TM9SF2: variants seen among roughly 807,000 people sequenced by gnomAD.
TM9SF2 encodes the protein 76 kDa membrane protein.
TM9SF2 carries 13 observed loss-of-function variants against 84.9 expected under a neutral mutation model. That is an observed-to-expected ratio of 0.15 (90% CI 0.10 to 0.24). The LOEUF (loss-of-function observed/expected upper bound fraction) is 0.24, where lower values mean the gene tolerates loss of function less well. TM9SF2 is among the 10% of genes least tolerant of loss of function. The pLI is 1.00. For missense variants in TM9SF2, 562 were observed against 818.5 expected (o/e 0.69, Z 3.82); for synonymous variants, 273 against 285.8 (o/e 0.96, Z 0.45).
intron 2 of TM9SF2, among the ~76,000 whole-genome samples, chr13:99,518,470 T>C (rs2046144420): frequency 6.6e-6 from 1 of 152,252 alleles, no homozygotes; most frequent in Non-Finnish European, 1.5e-5. Context: ...TGGGCATCTT[T>C]CCATGTCAAT....
chr13:99,536,886 C>T (rs1484256965), intron 5 of TM9SF2, 149 bp downstream of exon 5: 2 of 812,046 alleles, frequency 2.5e-6, no homozygotes, highest in Non-Finnish European at 3.7e-6. Context: ...AAACTTACAG[C>T]AGATTAATAA....
At chr13:99,531,157 G>A (rs994446649) in intron 4 of TM9SF2, among the ~76,000 whole-genome samples, 6 of 151,884 alleles carry the variant, frequency 4.0e-5, no homozygotes, top group African/African-American at 9.7e-5. Context: ...CACTGCGCCC[G>A]GTCAAACATA....
At chr13:99,508,903 AGATTT>A (rs2046101348) in intron 1 of TM9SF2, among the ~76,000 whole-genome samples, 2 of 152,144 alleles carry the variant, frequency 1.3e-5, no homozygotes, top group Non-Finnish European at 2.9e-5. Flanking sequence ...GCTTGACATA[AGATTT>A]GAGTGGGGAA....
intron 1 of TM9SF2, among the ~76,000 whole-genome samples, chr13:99,515,621 A>T (rs1036426308): frequency 7.2e-5 from 11 of 152,150 alleles, no homozygotes; most frequent in Non-Finnish European, 1.5e-4. Context: ...AATATTACTA[A>T]ATTTATTTGG....
At position 99,504,246 on chromosome 13, in the gene TM9SF2, TC is replaced by T. The variant is rs1484348379; in HGVS notation, c.171+2470del. Among the ~76,000 whole-genome samples, 22 of 152,366 alleles carry T rather than the reference TC, an allele frequency of 1.4e-4. No homozygotes were observed. In the East Asian group the frequency reaches 4.2e-3, roughly 29 times the overall value. On this transcript the variant is annotated intron_variant, in intron 1 of 16. Coordinates refer to ENST00000376387, the MANE Select transcript of TM9SF2 (RefSeq NM_004800.3). Reference sequence around the variant, plus strand: ...ATTATTCAGAAAAGTGGAAGGAACTTCTTTTAAAAATTAGAAATGAGAGTTG... The same window carrying T: ...ATTATTCAGAAAAGTGGAAGGAACTTTTTTAAAAATTAGAAATGAGAGTTG...
chr13:99,549,779 C>T (rs954998161), intron 12 of TM9SF2, among the ~76,000 whole-genome samples: 1 of 152,186 alleles, frequency 6.6e-6, no homozygotes. Context: ...CCCAAACCTG[C>T]ACATTTCTGG....
chr13:99,526,065 G>A (rs2046182126), intron 3 of TM9SF2, among the ~76,000 whole-genome samples: 1 of 152,198 alleles, frequency 6.6e-6, no homozygotes, highest in African/African-American at 2.4e-5. Context: ...GAGACATGGG[G>A]CATGATGCTG....
intron 1 of TM9SF2, among the ~76,000 whole-genome samples, chr13:99,504,822 T>G (rs1219397820): frequency 6.6e-6 from 1 of 152,228 alleles, no homozygotes; most frequent in Non-Finnish European, 1.5e-5. Context: ...TGCACATTCT[T>G]ATTGCTTTTT....
At chr13:99,510,679 C>G (rs2139071620) in intron 1 of TM9SF2, among the ~76,000 whole-genome samples, 1 of 152,324 alleles carries the variant, frequency 6.6e-6, no homozygotes, top group Middle Eastern at 3.4e-3. Flanking sequence ...TGGTGCTAAA[C>G]CATTCATTAG....
At chr13:99,534,742 C>T (rs770291376) in intron 4 of TM9SF2, among the ~76,000 whole-genome samples, 3 of 152,176 alleles carry the variant, frequency 2.0e-5, no homozygotes, top group African/African-American at 4.8e-5. Context: ...TTTATCCTTG[C>T]GAGTCTTCTT....
At chr13:99,528,990 G>A (rs887910465) in intron 3 of TM9SF2, among the ~76,000 whole-genome samples, 4 of 152,272 alleles carry the variant, frequency 2.6e-5, no homozygotes, top group Admixed American at 2.0e-4. Context: ...ACATCTGAAT[G>A]TCACATGCTC....
chr13:99,534,704 G>A (rs3928271), intron 4 of TM9SF2, among the ~76,000 whole-genome samples: 136,678 of 152,304 alleles, frequency 0.9, 61,382 homozygotes, highest in Admixed American at 0.93. Context: ...GGAGTTCTTC[G>A]TGATAAAAAG....
chr13:99,547,188 A>T, intron 11 of TM9SF2, 84 bp downstream of exon 11: 3 of 1,575,082 alleles, frequency 1.9e-6, no homozygotes, highest in Non-Finnish European at 2.6e-6. Context: ...TCAGATGGTG[A>T]TGCTTTGTAA....
chr13:99,536,519 T>C lies in TM9SF2; in HGVS notation c.462-89T>C, dbSNP rs1594055053. 6 of 1,482,716 alleles carry C rather than the reference T, an allele frequency of 4.0e-6. No homozygotes were observed. In the East Asian group the frequency reaches 1.4e-4, roughly 34 times the overall value. 91.8% of individuals were successfully genotyped at this position (1,482,716 alleles called of 1,614,324 possible). A position where few individuals can be genotyped will look rare whatever the true frequency, so the allele number is the denominator to read the frequency against. On this transcript the variant is annotated intron_variant, in intron 4 of 16. Transcript: ENST00000376387. Reference sequence around the variant, plus strand: ...TCTTAAGGCATTTACACATTTAAATTTTACAAAGTGATGACACTGATTTGG... The same window carrying C: ...TCTTAAGGCATTTACACATTTAAATCTTACAAAGTGATGACACTGATTTGG...
intron 12 of TM9SF2, among the ~76,000 whole-genome samples, chr13:99,551,282 GA>G (rs781454357): frequency 6.6e-6 from 1 of 152,214 alleles, no homozygotes; most frequent in Non-Finnish European, 1.5e-5. Flanking sequence ...AAGGTGTTTG[GA>G]AAGTCCAGGG....
intron 3 of TM9SF2, among the ~76,000 whole-genome samples, chr13:99,520,501 TC>T (rs951255033): frequency 1.4e-4 from 22 of 152,282 alleles, no homozygotes; most frequent in Admixed American, 7.8e-4. Context: ...TCCAGCAGTA[TC>T]TAGAGACACT....
rs755247276 is a variant in TM9SF2 at position 99,562,759 on chromosome 13, A to AG, written c.*2dup. Reference sequence around the variant, plus strand: ...ATACAGTGTGGTGAAGGTTGACTGAAGAAGTCCAGTGTGTCCAGTTAAAAC... The same window carrying AG: ...ATACAGTGTGGTGAAGGTTGACTGAAGGAAGTCCAGTGTGTCCAGTTAAAAC... On this transcript the variant is annotated 3_prime_UTR_variant, in exon 17 of 17. Coordinates refer to ENST00000376387, the MANE Select transcript of TM9SF2 (RefSeq NM_004800.3). The AG allele has an allele frequency of 2.5e-6, 4 of 1,613,050 alleles. No individual in the cohort carries two copies. The African/African-American group carries it at 5.3e-5, about 22-fold the overall frequency.
chr13:99,540,087 C>A (rs1054876851), intron 7 of TM9SF2, among the ~76,000 whole-genome samples: 2 of 151,848 alleles, frequency 1.3e-5, no homozygotes, highest in Non-Finnish European at 2.9e-5. Context: ...GAAGAGTTTC[C>A]GATTGGGAGA....
chr13:99,555,812 T>G (rs2046322792), intron 15 of TM9SF2, among the ~76,000 whole-genome samples, 165 bp downstream of exon 15: 1 of 152,180 alleles, frequency 6.6e-6, no homozygotes, highest in African/African-American at 2.4e-5. Flanking sequence ...GATTAAGATA[T>G]CCCAGTTCAG....
Sources: gnomAD v4.1 joint callset for allele counts (sites outside exome capture counted in the v4.1 genomes callset) on GRCh38, gnomAD v4.1.1 for gene constraint, MANE v1.5 for transcripts, NCBI Gene and HGNC (gene_info 2026-07-23, HGNC 2026-07-21) for gene names.